The following NELL1 variants were observed in gnomAD, a reference collection of about 807,000 sequenced individuals.
The protein encoded by NELL1 is neural EGFL like 1.
NELL1 carries 76 observed loss-of-function variants against 107.4 expected under a neutral mutation model. The ratio of observed to expected loss-of-function variants is 0.71; its 90% CI spans 0.59 to 0.86. The LOEUF (loss-of-function observed/expected upper bound fraction) is 0.86, where lower values mean the gene tolerates loss of function less well. Ranked by LOEUF, NELL1 falls within the 40% of genes least tolerant of loss-of-function variation. The pLI is 0.00. For synonymous variants in NELL1, 353 were observed against 341.2 expected (o/e 1.03, Z -0.38); for missense variants, 1,024 against 1,005.5 (o/e 1.02, Z -0.25).
chr11:20,972,580 G>A (rs1851523376), intron 12 of NELL1, among the ~76,000 whole-genome samples: 2 of 152,150 alleles, frequency 1.3e-5, no homozygotes, highest in African/African-American at 2.4e-5. Flanking sequence ...TACGAGTTTG[G>A]AGCAGTGTGA....
At chr11:21,266,675 A>G (rs1848643287) in intron 14 of NELL1, among the ~76,000 whole-genome samples, 1 of 151,848 alleles carries the variant, frequency 6.6e-6, no homozygotes, top group Admixed American at 6.6e-5. Flanking sequence ...CGGTTTTGTC[A>G]TCATCATTTT....
intron 7 of NELL1, among the ~76,000 whole-genome samples, chr11:20,925,355 G>C (rs1030905446): frequency 6.6e-6 from 1 of 151,740 alleles, no homozygotes; most frequent in African/African-American, 2.4e-5. Context: ...ATCTTGGCCT[G>C]CTGCAACCTC....
intron 13 of NELL1, among the ~76,000 whole-genome samples, chr11:21,130,652 G>A (rs913425957): frequency 1.8e-4 from 27 of 152,148 alleles, no homozygotes; most frequent in African/African-American, 6.3e-4. Flanking sequence ...TTTCCCTGCT[G>A]TTGATAAATA....
chr11:21,536,015 A>G (rs567020303), intron 16 of NELL1, among the ~76,000 whole-genome samples: 1 of 152,212 alleles, frequency 6.6e-6, no homozygotes, highest in Non-Finnish European at 1.5e-5. Flanking sequence ...ATTTTTACAG[A>G]TAATATTTGA....
At chr11:20,689,423 T>C (rs552105936) in intron 2 of NELL1, among the ~76,000 whole-genome samples, 5 of 141,320 alleles carry the variant, frequency 3.5e-5, no homozygotes, top group Non-Finnish European at 6.2e-5. Context: ...CTCCTAATGC[T>C]ATCCCTCCCC....
At chr11:20,708,461 C>A (rs2133892536) in intron 2 of NELL1, among the ~76,000 whole-genome samples, 1 of 152,278 alleles carries the variant, frequency 6.6e-6, no homozygotes, top group East Asian at 1.9e-4. Flanking sequence ...TCCTGTTCAG[C>A]CATCTTGGAA....
At position 21,178,916 on chromosome 11, in the gene NELL1, G is replaced by A. The variant is rs542995412; in HGVS notation, c.1427-50416G>A. Among the ~76,000 whole-genome samples, 15 of 151,880 alleles carry A rather than the reference G, an allele frequency of 9.9e-5. No homozygotes were observed. The South Asian group carries it at 3.1e-3, about 31-fold the overall frequency. ...TAACCCATGTGGTTCTCAGAGATGG[G>A]AAAGAATGGCTTTGATATTATGCAT... is the stretch of plus-strand genomic sequence containing the variant. On this transcript the variant is annotated intron_variant, in intron 13 of 19. Coordinates refer to ENST00000357134, the MANE Select transcript of NELL1 (RefSeq NM_006157.5).
intron 15 of NELL1, among the ~76,000 whole-genome samples, chr11:21,376,520 T>G (rs1025501041): frequency 5.3e-5 from 8 of 152,132 alleles, no homozygotes; most frequent in Non-Finnish European, 1.2e-4. Context: ...AGCATTGCTT[T>G]GCTATGCAGT....
At chr11:20,987,448 C>T (rs535598768) in intron 12 of NELL1, among the ~76,000 whole-genome samples, 24 of 152,168 alleles carry the variant, frequency 1.6e-4, no homozygotes, top group East Asian at 7.7e-4. Context: ...TAGTTCTGCA[C>T]GGCTGGGGAG....
Position 21,029,800 on chromosome 11 carries a change from G to A in NELL1, c.1300+69240G>A, listed in dbSNP as rs992275441. ...GGCAAGAACCACCTACTGTACTAGC[G>A]TCCAGCTTTCAATCCTCTCCAATCC... On this transcript the variant is annotated intron_variant, in intron 12 of 19. Transcript: ENST00000357134. 1.9e-4 allele frequency among the ~76,000 whole-genome samples: 29 copies of A among 152,256 alleles called. No individual in the cohort carries two copies. In the East Asian group the frequency reaches 2.3e-3, roughly 12 times the overall value.
chr11:21,518,166 C>A (rs979814631), intron 15 of NELL1, among the ~76,000 whole-genome samples: 1 of 151,726 alleles, frequency 6.6e-6, no homozygotes, highest in Non-Finnish European at 1.5e-5. Flanking sequence ...GCTGATTTTC[C>A]CCCTTTCAGA....
intron 15 of NELL1, among the ~76,000 whole-genome samples, chr11:21,385,689 A>C (rs1564869762): frequency 6.6e-6 from 1 of 152,088 alleles, no homozygotes; most frequent in South Asian, 2.1e-4. Context: ...AAATATAATC[A>C]AATGTTTTCT....
chr11:21,269,322 A>T (rs1031900310), intron 14 of NELL1, among the ~76,000 whole-genome samples: 3 of 151,670 alleles, frequency 2.0e-5, no homozygotes, highest in South Asian at 4.2e-4. Flanking sequence ...GAGAAAACCA[A>T]GCAGGATAAA....
intron 2 of NELL1, among the ~76,000 whole-genome samples, chr11:20,715,490 C>G (rs1449628447): frequency 3.3e-5 from 5 of 152,148 alleles, no homozygotes; most frequent in African/African-American, 1.2e-4. Context: ...GATTTGAACT[C>G]AGGAGACTAT....
At chr11:21,306,853 G>A (rs538715938) in intron 14 of NELL1, among the ~76,000 whole-genome samples, 4 of 152,010 alleles carry the variant, frequency 2.6e-5, no homozygotes, top group Non-Finnish European at 2.9e-5. Context: ...TCCCAACTTT[G>A]CCATCATGAG....
chr11:21,460,975 A>G (rs1293392899), intron 15 of NELL1, among the ~76,000 whole-genome samples: 1 of 152,104 alleles, frequency 6.6e-6, no homozygotes, highest in Non-Finnish European at 1.5e-5. Context: ...TGTGAGATCA[A>G]TATCTGTTAT....
intron 10 of NELL1, among the ~76,000 whole-genome samples, chr11:20,944,933 C>G (rs773507754): frequency 1.4e-4 from 22 of 152,088 alleles, no homozygotes; most frequent in Non-Finnish European, 3.1e-4. Context: ...TTTAAAAAAT[C>G]TTCTGTAGCA....
intron 3 of NELL1, among the ~76,000 whole-genome samples, chr11:20,844,017 T>C (rs1194976999): frequency 6.6e-6 from 1 of 152,160 alleles, no homozygotes; most frequent in Non-Finnish European, 1.5e-5. Flanking sequence ...TCATAACATT[T>C]TGTGTTCAAG....
At chr11:20,804,462 C>A (rs900911170) in intron 3 of NELL1, among the ~76,000 whole-genome samples, 2 of 152,202 alleles carry the variant, frequency 1.3e-5, no homozygotes, top group Non-Finnish European at 2.9e-5. Flanking sequence ...TCTTGAACTC[C>A]TGACATCAAG....
Sources: allele counts gnomAD v4.1 joint callset (sites outside exome capture counted in the v4.1 genomes callset), GRCh38; gene constraint gnomAD v4.1.1; transcripts MANE v1.5; gene names NCBI Gene and HGNC (gene_info 2026-07-23, HGNC 2026-07-21).